ASIC2: variants seen among roughly 807,000 people sequenced by gnomAD.
The protein encoded by ASIC2 is acid-sensing ion channel 2.
Under a neutral mutation model 57.3 loss-of-function variants are expected in ASIC2, and 25 were observed. That is an observed-to-expected ratio of 0.44 (90% confidence interval 0.32 to 0.61). The LOEUF is 0.61. Among genes scored for constraint, ASIC2 ranks in the 20% least tolerant of loss-of-function variants. The pLI, the probability that ASIC2 is intolerant of heterozygous loss-of-function variation, is 0.06. For missense variants in ASIC2, 641 were observed against 738.1 expected, an observed-to-expected ratio of 0.87 and a Z score of 1.52; for synonymous variants, 319 against 307.5, an observed-to-expected ratio of 1.04 and a Z score of -0.39.
chr17:33,594,111 A>G (rs557196513), intron 1 of ASIC2, among the ~76,000 whole-genome samples: 1 of 152,112 alleles, frequency 6.6e-6, no homozygotes, highest in East Asian at 1.9e-4. Flanking sequence ...CGTTTCCTAC[A>G]CCATTTGCAT....
chr17:33,591,248 T>C (rs1904815796), intron 1 of ASIC2, among the ~76,000 whole-genome samples: 1 of 152,192 alleles, frequency 6.6e-6, no homozygotes, highest in Admixed American at 6.5e-5. Flanking sequence ...TCTGACATGG[T>C]ATATGATAAG....
chr17:33,080,846 A>T (rs1192043548), intron 3 of ASIC2, among the ~76,000 whole-genome samples: 3 of 152,244 alleles, frequency 2.0e-5, no homozygotes, highest in Admixed American at 6.5e-5. Context: ...CCTGGGTGGG[A>T]TGAAGTGGGA....
intron 1 of ASIC2, among the ~76,000 whole-genome samples, chr17:33,536,929 C>T (rs1393789853): frequency 1.3e-5 from 2 of 152,090 alleles, no homozygotes; most frequent in South Asian, 2.1e-4. Flanking sequence ...AGGAATCACC[C>T]GAGCCTGGGG....
At chr17:33,051,567 A>G (rs2188950) in intron 3 of ASIC2, among the ~76,000 whole-genome samples, 136,082 of 152,226 alleles carry the variant, frequency 0.89, 60,840 homozygotes, top group East Asian at 0.96. Flanking sequence ...CTGGGGACTG[A>G]GTTGAGGTTG....
In ASIC2 at chr17:33,015,926, A is replaced by T. The variant is rs770163274; in HGVS notation, c.1590+45T>A. ...GCATCTGGTTTTGTACTGCCGGTAC[A>T]AGCCAGAGCAGCAGAACAACTTCCA... On this transcript the variant is annotated intron_variant, in intron 9 of 9. Coordinates refer to ENST00000225823, the MANE Select transcript of ASIC2 (RefSeq NM_183377.2). 4 of 1,607,358 alleles carry T rather than the reference A, an allele frequency of 2.5e-6. No individual in the cohort carries two copies. The Admixed American group carries it at 6.7e-5, about 27-fold the overall frequency.
intron 1 of ASIC2, among the ~76,000 whole-genome samples, chr17:34,095,607 T>TATATA: frequency 2.1e-5 from 2 of 96,120 alleles, no homozygotes; most frequent in South Asian, 6.2e-4. Context: ...CAGGCAAATT[T>TATATA]TATATATATA....
intron 3 of ASIC2, among the ~76,000 whole-genome samples, 168 bp downstream of exon 3, chr17:33,088,695 G>A (rs1358024015): frequency 6.6e-6 from 1 of 152,168 alleles, no homozygotes; most frequent in Non-Finnish European, 1.5e-5. Context: ...CAATTTTAGG[G>A]AACAACAGGT....
chr17:33,434,551 T>C (rs2141980404), intron 1 of ASIC2, among the ~76,000 whole-genome samples: 1 of 152,350 alleles, frequency 6.6e-6, no homozygotes, highest in Admixed American at 6.5e-5. Context: ...AACAAAGTAA[T>C]ATTTTTAAGA....
At chr17:33,500,682 G>A (rs1914074592) in intron 1 of ASIC2, among the ~76,000 whole-genome samples, 1 of 152,250 alleles carries the variant, frequency 6.6e-6, no homozygotes, top group African/African-American at 2.4e-5. Flanking sequence ...CAGGGAATAT[G>A]TGGGCAACGT....
chr17:33,942,585 C>A (rs887198192), intron 1 of ASIC2, among the ~76,000 whole-genome samples: 2 of 152,056 alleles, frequency 1.3e-5, no homozygotes, highest in Non-Finnish European at 2.9e-5. Context: ...ACAGGGCACA[C>A]GAAGTCACTG....
chr17:33,352,801 T>C (rs1312313951), intron 1 of ASIC2, among the ~76,000 whole-genome samples: 2 of 152,166 alleles, frequency 1.3e-5, no homozygotes, highest in East Asian at 3.9e-4. Context: ...CTCCATCCTG[T>C]GCAGTTTCTC....
chr17:33,514,221 A>C (rs1456066542), intron 1 of ASIC2, among the ~76,000 whole-genome samples: 3 of 152,222 alleles, frequency 2.0e-5, no homozygotes, highest in Non-Finnish European at 4.4e-5. Context: ...CTCCTGACTC[A>C]GAATTTTCAG....
intron 1 of ASIC2, among the ~76,000 whole-genome samples, chr17:33,757,605 C>A (rs572533479): frequency 6.6e-6 from 1 of 152,212 alleles, no homozygotes; most frequent in Non-Finnish European, 1.5e-5. Context: ...GCTGACCCCA[C>A]AACAAATACA....
At chr17:33,220,765 C>T (rs1193170792) in intron 1 of ASIC2, among the ~76,000 whole-genome samples, 1 of 152,064 alleles carries the variant, frequency 6.6e-6, no homozygotes, top group East Asian at 1.9e-4. Context: ...CCATGAGATG[C>T]TTAAAGAATT....
chr17:33,826,071 G>A (rs975667283), intron 1 of ASIC2, among the ~76,000 whole-genome samples: 4 of 152,172 alleles, frequency 2.6e-5, no homozygotes, highest in Non-Finnish European at 5.9e-5. Flanking sequence ...GAATTATGAT[G>A]ATTCTCTGTT....
chr17:33,583,499 C>T (rs1904511571), intron 1 of ASIC2, among the ~76,000 whole-genome samples: 1 of 152,172 alleles, frequency 6.6e-6, no homozygotes, highest in Non-Finnish European at 1.5e-5. Context: ...ATGTATGCCC[C>T]AACCATGACC....
intron 1 of ASIC2, among the ~76,000 whole-genome samples, chr17:33,472,015 CT>C (rs1229924296): frequency 3.7e-4 from 36 of 96,194 alleles, no homozygotes; most frequent in Non-Finnish European, 5.9e-4. Context: ...ACACCAGGGA[CT>C]TTTCTTTTTT....
At chr17:33,904,787 G>C (rs914250106) in intron 1 of ASIC2, among the ~76,000 whole-genome samples, 1 of 152,320 alleles carries the variant, frequency 6.6e-6, no homozygotes, top group African/African-American at 2.4e-5. Context: ...AGTTACTTCT[G>C]TAACTTCTTC....
At chr17:33,213,058 C>T (rs554102331) in intron 1 of ASIC2, among the ~76,000 whole-genome samples, 132 of 152,316 alleles carry the variant, frequency 8.7e-4, no homozygotes, top group African/African-American at 3.1e-3. Context: ...ATATTGAGCC[C>T]ATTAAAAGAG....
Sources: allele counts gnomAD v4.1 joint callset (sites outside exome capture counted in the v4.1 genomes callset), GRCh38; gene constraint gnomAD v4.1.1; transcripts MANE v1.5; gene names NCBI Gene and HGNC (gene_info 2026-07-23, HGNC 2026-07-21).